Variants in SIPA1L1 observed in about 807,000 individuals in gnomAD.
SIPA1L1 encodes signal-induced proliferation-associated 1-like protein 1.
A neutral mutation model predicts 162.7 loss-of-function variants in SIPA1L1; 26 were observed. The ratio of observed to expected loss-of-function variants is 0.16; its 90% CI spans 0.12 to 0.22. The LOEUF (loss-of-function observed/expected upper bound fraction) is 0.22. Ranked by LOEUF, SIPA1L1 falls within the 10% of genes least tolerant of loss-of-function variation. SIPA1L1 has a pLI of 1.00. For missense variants in SIPA1L1, 1,874 were observed against 2,241.0 expected, an observed-to-expected ratio of 0.84 and a Z score of 3.31; for synonymous variants, 829 against 837.4, an observed-to-expected ratio of 0.99 and a Z score of 0.17.
At chr14:71,405,089 A>G (rs112002252) in intron 2 of SIPA1L1, among the ~76,000 whole-genome samples, 2,691 of 152,350 alleles carry the variant, frequency 0.018, 30 homozygotes, top group African/African-American at 0.026. Flanking sequence ...GGTAACAATG[A>G]TTGGTACATA....
intron 2 of SIPA1L1, among the ~76,000 whole-genome samples, chr14:71,324,963 A>G (rs890393427): frequency 4.6e-5 from 7 of 152,062 alleles, no homozygotes; most frequent in Non-Finnish European, 4.4e-5. Context: ...GCGCCACCCT[A>G]CCTTCCAGTG....
At chr14:71,600,958 A>G (rs1166673621) in intron 5 of SIPA1L1, among the ~76,000 whole-genome samples, 2 of 152,160 alleles carry the variant, frequency 1.3e-5, no homozygotes, top group Non-Finnish European at 2.9e-5. Context: ...GTATAATGCA[A>G]CTTTATTGAA....
chr14:71,583,793 A>T (rs551328158), intron 4 of SIPA1L1, among the ~76,000 whole-genome samples: 2 of 152,304 alleles, frequency 1.3e-5, no homozygotes, highest in African/African-American at 4.8e-5. Flanking sequence ...TCTGAAGTTT[A>T]GTGGAGAAGA....
chr14:71,687,798 G>A (rs111229924), intron 13 of SIPA1L1, among the ~76,000 whole-genome samples: 11 of 152,216 alleles, frequency 7.2e-5, no homozygotes, highest in South Asian at 2.1e-4. Flanking sequence ...CAGTAAGTGC[G>A]CCTTCTAGAA....
At chr14:71,704,983 T>A in intron 15 of SIPA1L1, 1 of 618,532 alleles carries the variant, frequency 1.6e-6, no homozygotes, top group Non-Finnish European at 2.9e-6. Context: ...GGTTTGGTGG[T>A]ACTTGGCTAT....
chr14:71,340,109 A>T (rs1282214317), intron 2 of SIPA1L1, among the ~76,000 whole-genome samples: 2 of 152,224 alleles, frequency 1.3e-5, no homozygotes, highest in Admixed American at 1.3e-4. Flanking sequence ...TTCGTTTTAA[A>T]CACTATGCTG....
At chr14:71,688,392 G>T (rs72729973) in intron 13 of SIPA1L1, among the ~76,000 whole-genome samples, 19,166 of 152,112 alleles carry the variant, frequency 0.13, 1,283 homozygotes, top group East Asian at 0.27. Context: ...TTAGGATACG[G>T]GCTACTCGTG....
chr14:71,478,960 A>G (rs1005790318), intron 2 of SIPA1L1, among the ~76,000 whole-genome samples: 2 of 149,044 alleles, frequency 1.3e-5, no homozygotes, highest in Admixed American at 1.3e-4. Context: ...AATTAAAAAG[A>G]AAAAAAAAAG....
intron 5 of SIPA1L1, among the ~76,000 whole-genome samples, chr14:71,589,824 G>A (rs1457549825): frequency 1.3e-5 from 2 of 151,584 alleles, no homozygotes; most frequent in African/African-American, 4.8e-5. Context: ...ATCAGTAGGT[G>A]GTAATTATAA....
chr14:71,434,320 T>G (rs2044218026), intron 2 of SIPA1L1, among the ~76,000 whole-genome samples: 1 of 152,220 alleles, frequency 6.6e-6, no homozygotes, highest in African/African-American at 2.4e-5. Context: ...ATACTCTTGA[T>G]GTTTCTTATT....
At chr14:71,604,190 G>A (rs2037205956) in intron 5 of SIPA1L1, among the ~76,000 whole-genome samples, 1 of 151,484 alleles carries the variant, frequency 6.6e-6, no homozygotes, top group Non-Finnish European at 1.5e-5. Flanking sequence ...ATAGAGATGA[G>A]GTTTCACCAT....
At chr14:71,642,387 A>G (rs2041804263) in intron 7 of SIPA1L1, among the ~76,000 whole-genome samples, 1 of 152,134 alleles carries the variant, frequency 6.6e-6, no homozygotes, top group Non-Finnish European at 1.5e-5. Flanking sequence ...TAAACAGTCT[A>G]CCTCTGGTGC....
chr14:71,456,905 T>C (rs2046223516), intron 2 of SIPA1L1, among the ~76,000 whole-genome samples: 1 of 152,236 alleles, frequency 6.6e-6, no homozygotes, highest in African/African-American at 2.4e-5. Context: ...ACCAACTTAA[T>C]AGGACATCAG....
chr14:71,638,322 G>C (rs1009480830), intron 7 of SIPA1L1, among the ~76,000 whole-genome samples: 4 of 151,850 alleles, frequency 2.6e-5, no homozygotes, highest in Admixed American at 6.6e-5. Flanking sequence ...TAATAAAGTA[G>C]AAAAAAATTT....
chr14:71,590,895 T>C (rs1162357232), intron 5 of SIPA1L1, among the ~76,000 whole-genome samples: 2 of 152,128 alleles, frequency 1.3e-5, no homozygotes, highest in African/African-American at 2.4e-5. Flanking sequence ...TTCCACACTA[T>C]TAATGCCAGT....
intron 2 of SIPA1L1, among the ~76,000 whole-genome samples, chr14:71,454,216 C>G (rs2046030713): frequency 6.6e-6 from 1 of 151,974 alleles, no homozygotes; most frequent in Non-Finnish European, 1.5e-5. Context: ...GCAATTGAGG[C>G]TGGAAAAGGT....
intron 2 of SIPA1L1, among the ~76,000 whole-genome samples, chr14:71,344,072 G>T (rs2035918532): frequency 6.6e-6 from 1 of 152,176 alleles, no homozygotes; most frequent in Non-Finnish European, 1.5e-5. Context: ...TTTTTGAAGG[G>T]TCTCTTAGGT....
chr14:71,469,573 G>A (rs906807189), intron 2 of SIPA1L1, among the ~76,000 whole-genome samples: 1 of 152,136 alleles, frequency 6.6e-6, no homozygotes, highest in Non-Finnish European at 1.5e-5. Context: ...TCATCGTAGC[G>A]AAGATATCTA....
intron 17 of SIPA1L1, among the ~76,000 whole-genome samples, chr14:71,710,171 G>C (rs1282216590): frequency 1.3e-5 from 2 of 152,082 alleles, no homozygotes; most frequent in Non-Finnish European, 2.9e-5. Flanking sequence ...TTCAGTAATT[G>C]GCTCCTGGCA....
Sources: gnomAD v4.1 joint callset for allele counts (sites outside exome capture counted in the v4.1 genomes callset) on GRCh38, gnomAD v4.1.1 for gene constraint, MANE v1.5 for transcripts, NCBI Gene and HGNC (gene_info 2026-07-23, HGNC 2026-07-21) for gene names.